The following IGF2R variants were observed in gnomAD, a reference collection of about 807,000 sequenced individuals.
IGF2R encodes the protein cation-independent mannose-6-phosphate receptor.
A neutral mutation model predicts 270.6 loss-of-function variants in IGF2R; 91 were observed. The observed-to-expected ratio is 0.34, with a 90% CI of 0.28 to 0.40. IGF2R has a LOEUF of 0.40. Among genes scored for constraint, IGF2R ranks in the 10% least tolerant of loss-of-function variants. The pLI, the probability that IGF2R is intolerant of heterozygous loss-of-function variation, is 1.00. For synonymous variants in IGF2R, 1,316 were observed against 1,258.9 expected, an observed-to-expected ratio of 1.05 and a Z score of -0.96; for missense variants, 2,805 against 3,188.3, an observed-to-expected ratio of 0.88 and a Z score of 2.90.
At chr6:159,976,791 TC>T (rs1783701641) in intron 1 of IGF2R, among the ~76,000 whole-genome samples, 1 of 152,230 alleles carries the variant, frequency 6.6e-6, no homozygotes, top group African/African-American at 2.4e-5. Flanking sequence ...ATTTATTTTT[TC>T]CATTGTGCGG....
intron 10 of IGF2R, among the ~76,000 whole-genome samples, chr6:160,039,514 G>A (rs1214184721): frequency 2.0e-5 from 3 of 152,192 alleles, no homozygotes; most frequent in Non-Finnish European, 4.4e-5. Context: ...CAGGTTTGCC[G>A]CTGTGGCTGG....
chr6:159,981,673 G>A (rs6917747), intron 1 of IGF2R, among the ~76,000 whole-genome samples: 16,317 of 152,272 alleles, frequency 0.11, 1,033 homozygotes, highest in South Asian at 0.14. Flanking sequence ...GGGAGAGACT[G>A]GCTCACACAG....
intron 2 of IGF2R, among the ~76,000 whole-genome samples, 170 bp downstream of exon 2, chr6:159,991,493 G>A (rs1294075312): frequency 6.6e-6 from 1 of 152,166 alleles, no homozygotes; most frequent in Non-Finnish European, 1.5e-5. Flanking sequence ...AATGCTAACG[G>A]TTTGAATGTC....
chr6:160,063,741 T>TG, intron 27 of IGF2R, 111 bp downstream of exon 27: 2 of 626,374 alleles, frequency 3.2e-6, no homozygotes, highest in African/African-American at 3.9e-5. Context: ...TGTTCTACTG[T>TG]AAAAAAAAAA....
At chr6:160,067,451 T>C (rs933144179) in intron 29 of IGF2R, among the ~76,000 whole-genome samples, 4 of 152,230 alleles carry the variant, frequency 2.6e-5, no homozygotes, top group Non-Finnish European at 5.9e-5. Flanking sequence ...TTTAAAAGTC[T>C]TATCTTGTTC....
Position 160,004,619 on chromosome 6 carries a change from C to T in IGF2R, c.290-4391C>T, listed in dbSNP as rs958271582. 3 of 153,816 alleles carry T rather than the reference C, an allele frequency of 2.0e-5. No homozygotes were observed. Among genetic ancestry groups the T allele is most frequent in the South Asian group, 2.0e-4 (1 of 4,910 alleles). The allele number at this position is 153,816 out of a possible 1,614,324, so 9.5% of individuals were successfully genotyped here. A position where few individuals can be genotyped will look rare whatever the true frequency, so the allele number is the denominator to read the frequency against. ...GGCCTGGCTGGCACCGAGGTCCCTG[C>T]GGATTCTGGAGAACCTCAAGGTGCG... On this transcript the variant is annotated intron_variant, in intron 2 of 47. Coordinates refer to ENST00000356956, the MANE Select transcript of IGF2R (RefSeq NM_000876.4). The surrounding 1 kb of genome is among the most constrained non-coding windows in gnomAD (Gnocchi z 5.2).
intron 1 of IGF2R, among the ~76,000 whole-genome samples, chr6:159,977,516 A>G (rs1250940704): frequency 6.6e-6 from 1 of 152,206 alleles, no homozygotes; most frequent in African/African-American, 2.4e-5. Flanking sequence ...CACAGCTGCT[A>G]AACCCCTGTT....
At position 160,064,355 on chromosome 6, in the gene IGF2R, C is replaced by A. The variant is rs760019040; in HGVS notation, c.3887-46C>A. The A allele has an allele frequency of 1.9e-6, 3 of 1,613,238 alleles. No homozygotes were observed. The African/African-American group carries it at 4.0e-5, about 22-fold the overall frequency. ...CATGTCTTAGGCTAAGTTTGACAGC[C>A]TAGGGACCCGAACCAAACCTTGTTT... On this transcript the variant is annotated intron_variant, in intron 27 of 47. Transcript: ENST00000356956.
chr6:159,978,941 C>T (rs112170700), intron 1 of IGF2R, among the ~76,000 whole-genome samples: 4,033 of 151,924 alleles, frequency 0.027, 201 homozygotes, highest in African/African-American at 0.093. Context: ...CTAGGAGTGT[C>T]GTCCTTCACT....
intron 29 of IGF2R, 101 bp from the exon 30 acceptor site, chr6:160,068,148 C>A: frequency 2.9e-6 from 4 of 1,368,420 alleles, no homozygotes; most frequent in Non-Finnish European, 3.1e-6. Flanking sequence ...TTCTGTCAGG[C>A]TTAGACTATG....
At chr6:159,989,804 G>A (rs1783949170) in intron 1 of IGF2R, among the ~76,000 whole-genome samples, 1 of 152,226 alleles carries the variant, frequency 6.6e-6, no homozygotes, top group Non-Finnish European at 1.5e-5. Context: ...CTGAGGAGAT[G>A]ATCCCCATTT....
chr6:160,090,474 G>C (rs1779195503), intron 44 of IGF2R: 1 of 156,266 alleles, frequency 6.4e-6, no homozygotes, highest in South Asian at 2.0e-4. Flanking sequence ...AGAAGGGTAA[G>C]AGATTTTATA....
Position 160,085,137 on chromosome 6 carries a change from G to A in IGF2R, c.6205+6G>A. ...GCAGAAGCTGGGTGTCATAGGTAAGGCCTGTGGGTCCTGGTCCTTGGTTCA... is the reference window on the plus strand; with the variant it reads ...GCAGAAGCTGGGTGTCATAGGTAAGACCTGTGGGTCCTGGTCCTTGGTTCA... On this transcript the variant is annotated splice_donor_region_variant and intron_variant, in intron 41 of 47. Coordinates refer to ENST00000356956, the MANE Select transcript of IGF2R (RefSeq NM_000876.4). 6.2e-7 allele frequency: 1 copy of A among 1,612,562 alleles called. No individual in the cohort carries two copies. Among genetic ancestry groups the A allele is most frequent in the Admixed American group, 1.7e-5 (1 of 59,974 alleles).
chr6:160,071,030 G>A (rs1233305810), intron 31 of IGF2R, among the ~76,000 whole-genome samples: 1 of 152,104 alleles, frequency 6.6e-6, no homozygotes, highest in African/African-American at 2.4e-5. Context: ...TGGGGCCCCT[G>A]TGCCCAGGGC....
chr6:159,977,787 C>T (rs1010557144), intron 1 of IGF2R, among the ~76,000 whole-genome samples: 1 of 152,128 alleles, frequency 6.6e-6, no homozygotes, highest in African/African-American at 2.4e-5. Context: ...CCGTGTGTGT[C>T]CAGTCAGGAT....
chr6:159,970,533 G>C (rs1783594200), intron 1 of IGF2R, among the ~76,000 whole-genome samples: 1 of 152,168 alleles, frequency 6.6e-6, no homozygotes, highest in Non-Finnish European at 1.5e-5. Flanking sequence ...TCTAAGGAGG[G>C]TGAGGCTGAT....
At chr6:160,075,822 C>A in intron 35 of IGF2R, 25 bp from the exon 36 acceptor site, 5 of 1,607,596 alleles carry the variant, frequency 3.1e-6, no homozygotes, top group Non-Finnish European at 4.3e-6. Flanking sequence ...TCCTGAAATA[C>A]TGTTTGCCCT....
At chr6:159,987,553 G>A (rs962557360) in intron 1 of IGF2R, among the ~76,000 whole-genome samples, 3 of 151,916 alleles carry the variant, frequency 2.0e-5, no homozygotes, top group African/African-American at 4.8e-5. Flanking sequence ...CACCACGCCC[G>A]GCTAATTTTT....
At chr6:160,091,120 G>A (rs1486625595) in intron 44 of IGF2R, among the ~76,000 whole-genome samples, 3 of 134,622 alleles carry the variant, frequency 2.2e-5, no homozygotes, top group South Asian at 2.5e-4. Context: ...GCACATCGCC[G>A]AGAAGGAGCA....
Sources: allele counts gnomAD v4.1 joint callset (sites outside exome capture counted in the v4.1 genomes callset), GRCh38; gene constraint gnomAD v4.1.1; non-coding constraint Gnocchi (gnomAD v3.1); transcripts MANE v1.5; gene names NCBI Gene and HGNC (gene_info 2026-07-23, HGNC 2026-07-21).